ZCCHC14: variants seen among roughly 807,000 people sequenced by gnomAD.
ZCCHC14 encodes the protein zinc finger CCHC domain-containing protein 14.
ZCCHC14 carries 16 observed loss-of-function variants against 85.0 expected under a neutral mutation model. The ratio of observed to expected loss-of-function variants is 0.19; its 90% CI spans 0.13 to 0.29. ZCCHC14 has a LOEUF of 0.29. Ranked by LOEUF, ZCCHC14 falls within the 10% of genes least tolerant of loss-of-function variation. The pLI, the probability that ZCCHC14 is intolerant of heterozygous loss-of-function variation, is 1.00. For synonymous variants in ZCCHC14, 775 were observed against 630.7 expected (o/e 1.23, Z -3.43); for missense variants, 1,303 against 1,443.5 (o/e 0.90, Z 1.58).
intron 2 of ZCCHC14, among the ~76,000 whole-genome samples, chr16:87,459,189 C>G (rs1385433085): frequency 1.3e-5 from 2 of 152,168 alleles, no homozygotes; most frequent in Non-Finnish European, 2.9e-5. Flanking sequence ...AGCCATGTTT[C>G]AAGTGCGCGG....
chr16:87,456,533 CAAAAAAAAAAAAA>C (rs60817141), intron 2 of ZCCHC14, among the ~76,000 whole-genome samples: 4,444 of 63,598 alleles, frequency 0.07, 180 homozygotes, highest in Middle Eastern at 0.22. Context: ...ACTCTGTCTC[CAAAAAAAAAAAAA>C]AAAAAAAAAA....
At chr16:87,479,888 T>G (rs1456264821) in intron 1 of ZCCHC14, among the ~76,000 whole-genome samples, 1 of 152,092 alleles carries the variant, frequency 6.6e-6, no homozygotes, top group African/African-American at 2.4e-5. Flanking sequence ...ACTCTCGTGT[T>G]AGAGAGTTCT....
At chr16:87,455,525 A>G (rs921119207) in intron 2 of ZCCHC14, among the ~76,000 whole-genome samples, 1 of 152,212 alleles carries the variant, frequency 6.6e-6, no homozygotes, top group East Asian at 1.9e-4. Context: ...GTCCTACAGA[A>G]GCTCTTCTAC....
chr16:87,490,095 G>A (rs778812284), intron 1 of ZCCHC14, among the ~76,000 whole-genome samples: 4 of 152,002 alleles, frequency 2.6e-5, no homozygotes, highest in Non-Finnish European at 4.4e-5. Flanking sequence ...GGTGGGAGCC[G>A]AACTTAAAAA....
intron 2 of ZCCHC14, among the ~76,000 whole-genome samples, chr16:87,441,619 C>T (rs1910189165): frequency 6.6e-6 from 1 of 152,072 alleles, no homozygotes; most frequent in South Asian, 2.1e-4. Context: ...CTGATTTTAG[C>T]AAATAAAATT....
chr16:87,466,720 T>C (rs1227347587), intron 1 of ZCCHC14, among the ~76,000 whole-genome samples: 1 of 152,210 alleles, frequency 6.6e-6, no homozygotes, highest in Non-Finnish European at 1.5e-5. Context: ...TGTGACTGCA[T>C]CTGTGACCAA....
chr16:87,410,700 A>C (rs1908390208), intron 12 of ZCCHC14, among the ~76,000 whole-genome samples: 1 of 152,174 alleles, frequency 6.6e-6, no homozygotes, highest in African/African-American at 2.4e-5. Flanking sequence ...AGCCAGCTTT[A>C]TGAAGGGAGG....
chr16:87,469,489 C>T (rs1911681985), intron 1 of ZCCHC14, among the ~76,000 whole-genome samples: 1 of 152,222 alleles, frequency 6.6e-6, no homozygotes, highest in East Asian at 1.9e-4. Context: ...CAGGAGCCGT[C>T]TCGGCGGCCA....
chr16:87,459,970 C>A, intron 2 of ZCCHC14, 38 bp downstream of exon 2: 6 of 1,613,432 alleles, frequency 3.7e-6, no homozygotes, highest in Non-Finnish European at 5.1e-6. Context: ...CATCCTCCGT[C>A]CGTCAGACGT....
At position 87,411,727 on chromosome 16, in the gene ZCCHC14, G is replaced by T; in HGVS notation, c.2994C>A (p.Asp998Glu). ...ACGTGGACTGCCCACTCAGGACAGG[G>T]TCTGGGGTCCCGCTGCTGCTGTAAG... ...HAPYSSSGTP[D>E]PVLSGQSTFA... Residue 998 changes from aspartate to glutamate, a missense_variant, in exon 12 of 13, where the codon GAC becomes GAA. Physicochemically the swap from Asp to Glu is conservative, Grantham distance 45. Transcript: ENST00000671377. 6.2e-7 allele frequency: 1 copy of T among 1,613,988 alleles called. No individual in the cohort carries two copies. The highest frequency in any genetic ancestry group is 2.2e-5 in the East Asian group (1 of 44,882).
chr16:87,455,427 A>G (rs779778518), intron 2 of ZCCHC14, among the ~76,000 whole-genome samples: 13 of 152,182 alleles, frequency 8.5e-5, no homozygotes, highest in Non-Finnish European at 1.5e-4. Flanking sequence ...ACATTAACTC[A>G]GAGTAGAGCC....
chr16:87,445,600 T>A (rs1250421064), intron 2 of ZCCHC14, among the ~76,000 whole-genome samples: 1 of 152,218 alleles, frequency 6.6e-6, no homozygotes, highest in Non-Finnish European at 1.5e-5. Flanking sequence ...CACCATGTGA[T>A]CAGATGTTCC....
intron 1 of ZCCHC14, among the ~76,000 whole-genome samples, chr16:87,465,785 C>T (rs1312921852): frequency 6.6e-6 from 1 of 152,112 alleles, no homozygotes; most frequent in Admixed American, 6.5e-5. Context: ...TAAATCTTCA[C>T]CATGATCAAA....
chr16:87,418,605 G>A (rs1908921777), intron 7 of ZCCHC14, among the ~76,000 whole-genome samples: 1 of 152,204 alleles, frequency 6.6e-6, no homozygotes. Flanking sequence ...GACTTTCTAC[G>A]TCTATGATGG....
intron 1 of ZCCHC14, among the ~76,000 whole-genome samples, chr16:87,487,353 G>A (rs1426478794): frequency 1.3e-5 from 2 of 152,190 alleles, no homozygotes; most frequent in African/African-American, 4.8e-5. Context: ...ATACCCTGAG[G>A]ATGCTGAAAC....
Position 87,420,585 on chromosome 16 carries a change from G to T in ZCCHC14, c.950+22C>A. 1.3e-6 allele frequency: 2 copies of T among 1,596,936 alleles called. No homozygotes were observed. The highest frequency in any genetic ancestry group is 1.1e-5 in the South Asian group (1 of 88,924). On this transcript the variant is annotated intron_variant, in intron 5 of 12. Transcript: ENST00000671377. This position sits in a 1 kb window ranked among gnomAD's most constrained non-coding sequence, Gnocchi z 5.0. Reference sequence around the variant, plus strand: ...TGTCCTTGCCAGCTGTGGACGCGCCGGGTGCCTGGTAAGGGCCTCACCTCA... The same window carrying T: ...TGTCCTTGCCAGCTGTGGACGCGCCTGGTGCCTGGTAAGGGCCTCACCTCA...
chr16:87,447,003 A>G (rs773937813), intron 2 of ZCCHC14, among the ~76,000 whole-genome samples: 7 of 152,192 alleles, frequency 4.6e-5, no homozygotes, highest in Non-Finnish European at 1.0e-4. Context: ...CCAACATTCT[A>G]TATGAGAAGA....
intron 2 of ZCCHC14, among the ~76,000 whole-genome samples, chr16:87,444,712 C>A (rs1490006078): frequency 6.6e-6 from 1 of 152,138 alleles, no homozygotes; most frequent in Admixed American, 6.5e-5. Context: ...ATCAGTGGTT[C>A]ATAATCTTCT....
chr16:87,411,739 G>A lies in ZCCHC14; in HGVS notation c.2982C>T (p.Ser994=), dbSNP rs376878407. The A allele has an allele frequency of 9.4e-5, 152 of 1,612,554 alleles. No individual in the cohort carries two copies. The highest frequency in any genetic ancestry group is 7.6e-4 in the South Asian group (69 of 91,062). ...FPVVHAPYSS[S]GTPDPVLSGQ... ...CACTCAGGACAGGGTCTGGGGTCCC[G>A]CTGCTGCTGTAAGGGGCGTGCACGA... is the stretch of plus-strand genomic sequence containing the variant. The change falls in exon 12 of 13, where the codon AGC becomes AGT. Residue 994 remains serine (S), a synonymous_variant. Transcript: ENST00000671377.
Sources: allele counts gnomAD v4.1 joint callset (sites outside exome capture counted in the v4.1 genomes callset), GRCh38; gene constraint gnomAD v4.1.1; non-coding constraint Gnocchi (gnomAD v3.1); transcripts MANE v1.5; gene names NCBI Gene and HGNC (gene_info 2026-07-23, HGNC 2026-07-21).